The following SBF1 variants were observed in gnomAD, a reference collection of about 807,000 sequenced individuals.
SBF1 encodes the protein myotubularin-related protein 5.
In SBF1, 65 loss-of-function variants were observed where a neutral mutation model predicts 215.8. The observed-to-expected ratio is 0.30, with a 90% CI of 0.25 to 0.37. The LOEUF is 0.37. Ranked by LOEUF, SBF1 falls within the 10% of genes least tolerant of loss-of-function variation. The probability of loss-of-function intolerance (pLI) is 1.00; values close to 1 mark genes in which losing one functional copy is unlikely to be tolerated. For missense variants in SBF1, 2,634 were observed against 2,667.8 expected (o/e 0.99, Z 0.28); for synonymous variants, 1,410 against 1,122.8 (o/e 1.26, Z -5.11).
At chr22:50,460,468 C>A (rs2067459316) in intron 24 of SBF1, 60 bp from the exon 25 acceptor site, 1 of 1,607,164 alleles carries the variant, frequency 6.2e-7, no homozygotes, top group South Asian at 1.1e-5. Context: ...AGCACAGGGG[C>A]CTAGGAGGGT....
At position 50,463,422 on chromosome 22, in the gene SBF1, G is replaced by C; in HGVS notation, c.1760C>G (p.Ala587Gly). Residue 587 changes from alanine (A) to glycine (G), a missense_variant, in exon 16 of 41, where the codon GCC (alanine) becomes GGC (glycine). By Grantham distance (60) the Ala-to-Gly change is moderately conservative. Transcript: ENST00000380817. Reference sequence around the variant, plus strand: ...TCGCCCCTTCAGGGCCCTCAACACGGCTGGGAGCAGCTGGGGGTGGGGAAA... The same window carrying C: ...TCGCCCCTTCAGGGCCCTCAACACGCCTGGGAGCAGCTGGGGGTGGGGAAA... Reference protein sequence around the residue: ...KMLEAKKLLPAVLRALKGRAA... With the variant: ...KMLEAKKLLPGVLRALKGRAA... The C allele has an allele frequency of 6.4e-7, 1 of 1,569,834 alleles. No individual in the cohort carries two copies. Among genetic ancestry groups the C allele is most frequent in the Non-Finnish European group, 8.7e-7 (1 of 1,155,614 alleles).
rs779653911 is a variant in SBF1, at chr22:50,467,777, C to G, written c.279+9G>C. 4 of 1,613,768 alleles carry G rather than the reference C, an allele frequency of 2.5e-6. No individual in the cohort carries two copies. The highest frequency in any genetic ancestry group is 2.2e-5 in the South Asian group (2 of 91,060). On this transcript the variant is annotated intron_variant, in intron 3 of 40. Coordinates refer to ENST00000380817, the MANE Select transcript of SBF1 (RefSeq NM_002972.4). Reference sequence around the variant, plus strand: ...TCATTCATGCTGTACCCAGAGGCCCCAAGCTGACCTGTGAAGGCTCCGCTG... The same window carrying G: ...TCATTCATGCTGTACCCAGAGGCCCGAAGCTGACCTGTGAAGGCTCCGCTG...
intron 36 of SBF1, among the ~76,000 whole-genome samples, chr22:50,453,677 C>T (rs574515115): frequency 6.6e-6 from 1 of 152,266 alleles, no homozygotes; most frequent in Non-Finnish European, 1.5e-5. Flanking sequence ...GTCCCAGCTA[C>T]TCGAGAGGCT....
At position 50,449,378 on chromosome 22, in the gene SBF1, T is replaced by A. The variant is rs375105912; in HGVS notation, c.5044-728A>T. On this transcript the variant is annotated intron_variant, in intron 36 of 40. Transcript: ENST00000380817. ...ACGCCTGTAATCCCAGCACTTTGGGTGGCCGAGGCGGGTGGATCACGAGGT... is the reference window on the plus strand; with the variant it reads ...ACGCCTGTAATCCCAGCACTTTGGGAGGCCGAGGCGGGTGGATCACGAGGT... Among the ~76,000 whole-genome samples the A allele has an allele frequency of 4.2e-4, 64 of 151,730 alleles. No homozygotes were observed. In the East Asian group the frequency reaches 0.012, roughly 28 times the overall value.
Position 50,464,727 on chromosome 22 carries a change from G to T in SBF1, c.1443C>A (p.Tyr481Ter). 6.2e-7 allele frequency: 1 copy of T among 1,607,584 alleles called. No homozygotes were observed. Residue 481 changes from tyrosine (Y) to a stop codon, truncating the protein, a stop_gained, in exon 14 of 41, where the codon TAC becomes TAA. Transcript: ENST00000380817. LOFTEE classifies it high-confidence loss of function. ...GTACCTTGTGCATCGCCACGGCTGG[G>T]TACGGGTTCTCCTGTGGGGAGACGG... is the stretch of plus-strand genomic sequence containing the variant. ...AEQLYKNENP[Y>*]PAVAMHKVQR... is the part of the protein sequence containing the mutation.
intron 1 of SBF1, among the ~76,000 whole-genome samples, chr22:50,471,449 G>A (rs1161690381): frequency 6.6e-6 from 1 of 152,224 alleles, no homozygotes; most frequent in Non-Finnish European, 1.5e-5. Context: ...GTGCTGTGGG[G>A]AGGCAAAGAA....
Position 50,447,315 on chromosome 22 carries a change from G to A in SBF1, c.5583+7C>T, listed in dbSNP as rs560601145. 5.8e-5 allele frequency: 93 copies of A among 1,613,786 alleles called. 1 individual carries two copies. In the South Asian group the frequency reaches 9.1e-4, roughly 16 times the overall value. Reference sequence around the variant, plus strand: ...CTCCCCTCTCCCAAGCCCCGGCCAAGGCTCACGTCAAAGAAGGCCTTCTCG... The same window carrying A: ...CTCCCCTCTCCCAAGCCCCGGCCAAAGCTCACGTCAAAGAAGGCCTTCTCG... On this transcript the variant is annotated splice_region_variant and intron_variant, in intron 40 of 40. Coordinates refer to ENST00000380817, the MANE Select transcript of SBF1 (RefSeq NM_002972.4).
intron 1 of SBF1, among the ~76,000 whole-genome samples, chr22:50,470,891 TCTC>T (rs1317035422): frequency 6.6e-6 from 1 of 151,992 alleles, no homozygotes; most frequent in Non-Finnish European, 1.5e-5. Context: ...TGTGAGCAGC[TCTC>T]CTCCTCACCC....
In SBF1 at chr22:50,466,978, C is replaced by G; in HGVS notation, c.550-268G>C. 5 of 558,436 alleles carry G rather than the reference C, an allele frequency of 9.0e-6. No individual in the cohort carries two copies. In the South Asian group the frequency reaches 1.2e-4, roughly 13 times the overall value. The allele number at this position is 558,436 out of a possible 1,614,324, so 34.6% of individuals were successfully genotyped here. The stretch of plus-strand genomic sequence containing the variant: ...GGCGGAAGAAACAAAGAATCCATAC[C>G]GCTCCTTCCTCAACAGAGTCCAGCT... On this transcript the variant is annotated intron_variant, in intron 5 of 40. Transcript: ENST00000380817.
At chr22:50,448,116 G>T in intron 38 of SBF1, 117 bp downstream of exon 38, 1 of 910,792 alleles carries the variant, frequency 1.1e-6, no homozygotes, top group Non-Finnish European at 1.7e-6. Flanking sequence ...TCCCAGTGGT[G>T]GTGTATACTT....
Position 50,462,669 on chromosome 22 carries a change from G to C in SBF1, c.2017C>G (p.His673Asp). Residue 673 changes from histidine to aspartate, a missense_variant, in exon 18 of 41, where the codon CAC becomes GAC. Transcript: ENST00000380817. ...TQFAYSCVQE[H>D]VVWSTPQFWE... ...AACTGTGGCGTGCTCCACACCACGT[G>C]CTCCTGCACACAGCTGTATGCAAAC... The C allele has an allele frequency of 1.2e-6, 2 of 1,612,508 alleles. No individual in the cohort carries two copies. The highest frequency in any genetic ancestry group is 1.7e-6 in the Non-Finnish European group (2 of 1,179,652).
chr22:50,467,195 G>A, intron 5 of SBF1, 143 bp downstream of exon 5: 1 of 674,584 alleles, frequency 1.5e-6, no homozygotes, highest in Non-Finnish European at 2.6e-6. Context: ...CAGGACTGTT[G>A]GGGGCAATGG....
At position 50,463,298 on chromosome 22, in the gene SBF1, C is replaced by T. The variant is rs1159138188; in HGVS notation, c.1884G>A (p.Met628Ile). ...HQQFDFVVRM[M>I]NCCLQDCTSL... ...GAGGCCTCACCTGCAGGCAGCAGTTCATCATACGGACGACAAAGTCAAACT... is the reference window on the plus strand; with the variant it reads ...GAGGCCTCACCTGCAGGCAGCAGTTTATCATACGGACGACAAAGTCAAACT... Residue 628 changes from methionine (M) to isoleucine (I), a missense_variant, in exon 16 of 41, where the codon ATG becomes ATA. Coordinates refer to ENST00000380817, the MANE Select transcript of SBF1 (RefSeq NM_002972.4). The T allele has an allele frequency of 6.2e-7, 1 of 1,613,456 alleles. No individual in the cohort carries two copies. Among genetic ancestry groups the T allele is most frequent in the Non-Finnish European group, 8.5e-7 (1 of 1,179,870 alleles).
rs1603432470 is a variant in SBF1, at chr22:50,460,580, G to A, written c.3100C>T (p.Pro1034Ser). 1 of 1,614,126 alleles carries A rather than the reference G, an allele frequency of 6.2e-7. No homozygotes were observed. Among genetic ancestry groups the A allele is most frequent in the Non-Finnish European group, 8.5e-7 (1 of 1,180,032 alleles). ...FAFTLGSAHTPGRPPRVTKDK... is the reference protein window; with the variant it reads ...FAFTLGSAHTSGRPPRVTKDK... Reference sequence around the variant, plus strand: ...TTGGTGACTCGCGGTGGCCGGCCAGGTGTGTGGGCAGAGCCCAAGGTGAAC... The same window carrying A: ...TTGGTGACTCGCGGTGGCCGGCCAGATGTGTGGGCAGAGCCCAAGGTGAAC... The change falls in exon 24 of 41, where the codon CCT (proline) becomes TCT (serine). Residue 1034 changes from proline (P) to serine (S), a missense_variant. Physicochemically the swap from Pro to Ser is moderately conservative, Grantham distance 74. Coordinates refer to ENST00000380817, the MANE Select transcript of SBF1 (RefSeq NM_002972.4).
rs375604097 is a variant in SBF1, at chr22:50,461,883, G to A, written c.2570-14C>T. 27 of 1,614,080 alleles carry A rather than the reference G, an allele frequency of 1.7e-5. No homozygotes were observed. In the African/African-American group the frequency reaches 3.3e-4, roughly 20 times the overall value. Reference sequence around the variant, plus strand: ...TCTGGACAATGTCTGGGGGAAGACAGTTCTCACACTTTGTGCCCAGCCCCA... The same window carrying A: ...TCTGGACAATGTCTGGGGGAAGACAATTCTCACACTTTGTGCCCAGCCCCA... On this transcript the variant is annotated splice_polypyrimidine_tract_variant and intron_variant, in intron 20 of 40. Transcript: ENST00000380817.
chr22:50,451,948 C>T (rs1432053444), intron 36 of SBF1, among the ~76,000 whole-genome samples: 7 of 151,986 alleles, frequency 4.6e-5, no homozygotes, highest in African/African-American at 1.7e-4. Context: ...AGGCACCCGC[C>T]ACCATGCTCA....
rs1401084783 is a variant in SBF1 at position 50,445,566 on chromosome 22, C to T, written c.*1576G>A. On this transcript the variant is annotated 3_prime_UTR_variant, in exon 41 of 41. Transcript: ENST00000380817. ...CCTGTGCCTGGCATTTGTCCTCTCC[C>T]CCCACAGACGTGGAACAGGGAGGGC... 1 of 152,330 alleles carries T rather than the reference C, an allele frequency of 6.6e-6. No homozygotes were observed. Among genetic ancestry groups the T allele is most frequent in the Non-Finnish European group, 1.5e-5 (1 of 68,124 alleles). 9.4% of individuals were successfully genotyped at this position (152,330 alleles called of 1,614,324 possible). A position where few individuals can be genotyped will look rare whatever the true frequency, so the allele number is the denominator to read the frequency against.
intron 36 of SBF1, 62 bp downstream of exon 36, chr22:50,454,450 C>A: frequency 7.0e-7 from 1 of 1,427,044 alleles, no homozygotes; most frequent in Non-Finnish European, 9.8e-7. Context: ...CACGCACGAC[C>A]CTGGTGTCTG....
chr22:50,451,821 A>T (rs1261581838), intron 36 of SBF1, among the ~76,000 whole-genome samples: 1 of 149,094 alleles, frequency 6.7e-6, no homozygotes, highest in African/African-American at 2.5e-5. Flanking sequence ...TTTGAGGCAG[A>T]GTCTCACTCA....
Sources: gnomAD v4.1 joint callset for allele counts (sites outside exome capture counted in the v4.1 genomes callset) on GRCh38, gnomAD v4.1.1 for gene constraint, MANE v1.5 for transcripts, NCBI Gene and HGNC (gene_info 2026-07-23, HGNC 2026-07-21) for gene names.